Variants in PHC2 observed in about 807,000 individuals in gnomAD.
PHC2 encodes polyhomeotic-like protein 2.
Under a neutral mutation model 87.4 loss-of-function variants are expected in PHC2, and 29 were observed. That is an observed-to-expected ratio of 0.33 (90% CI 0.25 to 0.45). The LOEUF (loss-of-function observed/expected upper bound fraction) is 0.45. PHC2 is among the 20% of genes least tolerant of loss of function. The pLI is 1.00. For synonymous variants in PHC2, 438 were observed against 461.7 expected (o/e 0.95, Z 0.66); for missense variants, 857 against 1,136.7 (o/e 0.75, Z 3.54).
Position 33,374,280 on chromosome 1 carries a change from C to T in PHC2, c.174+1086G>A, listed in dbSNP as rs114719715. Among the ~76,000 whole-genome samples, 948 of 152,262 alleles carry T rather than the reference C, an allele frequency of 6.2e-3. 9 individuals are homozygous for T. The highest frequency in any genetic ancestry group is 0.021 in the African/African-American group (891 of 41,560). On this transcript the variant is annotated intron_variant, in intron 2 of 14. Coordinates refer to ENST00000683057, the MANE Select transcript of PHC2 (RefSeq NM_001385109.1). ...CCTTGGGTGATTCCACTCGCCAGAA[C>T]AGGACCCCAGACCCCCTTTTGCCTA...
intron 1 of PHC2, among the ~76,000 whole-genome samples, chr1:33,418,924 C>T (rs1310756517): frequency 1.3e-5 from 2 of 152,180 alleles, no homozygotes; most frequent in Non-Finnish European, 2.9e-5. Context: ...GGAATGCTTG[C>T]CCAGTGTAAA....
At chr1:33,373,192 A>G (rs1647965021) in intron 2 of PHC2, among the ~76,000 whole-genome samples, 1 of 152,048 alleles carries the variant, frequency 6.6e-6, no homozygotes, top group South Asian at 2.1e-4. Context: ...ATCTCGGCTC[A>G]CTGCAACCTC....
rs1025405198 is a variant in PHC2 at position 33,368,426 on chromosome 1, C to T, written c.663+110G>A. The T allele has an allele frequency of 1.1e-5, 7 of 640,030 alleles. No homozygotes were observed. The highest frequency in any genetic ancestry group is 2.9e-5 in the Admixed American group (1 of 34,994). The allele number at this position is 640,030 out of a possible 1,614,324, so 39.6% of individuals were successfully genotyped here. On this transcript the variant is annotated intron_variant, in intron 6 of 14. Coordinates refer to ENST00000683057, the MANE Select transcript of PHC2 (RefSeq NM_001385109.1). This position sits in a 1 kb window ranked among gnomAD's most constrained non-coding sequence, Gnocchi z 6.6. Reference sequence around the variant, plus strand: ...GGGGGCATTGGGGTGTCCTGTCTCCCGCCTGCTTTCCTAGCTGATCCCGGC... The same window carrying T: ...GGGGGCATTGGGGTGTCCTGTCTCCTGCCTGCTTTCCTAGCTGATCCCGGC...
chr1:33,329,110 A>G lies in PHC2; in HGVS notation c.2185T>C (p.Leu729=). The change falls in exon 14 of 15, where the codon TTG becomes CTG. Residue 729 remains leucine (L), a synonymous_variant. Coordinates refer to ENST00000683057, the MANE Select transcript of PHC2 (RefSeq NM_001385109.1). ...GTVPLSVTAA[L]QLTHSQEDSS... Reference sequence around the variant, plus strand: ...TCTTCCTGGCTGTGTGTTAGCTGCAAAGCAGCAGTAACCGAAAGGGGCACA... The same window carrying G: ...TCTTCCTGGCTGTGTGTTAGCTGCAGAGCAGCAGTAACCGAAAGGGGCACA... 1 of 1,614,174 alleles carries G rather than the reference A, an allele frequency of 6.2e-7. No homozygotes were observed. Among genetic ancestry groups the G allele is most frequent in the East Asian group, 2.2e-5 (1 of 44,882 alleles).
At chr1:33,333,409 G>A (rs1646549100) in intron 10 of PHC2, 1 of 152,396 alleles carries the variant, frequency 6.6e-6, no homozygotes, top group Non-Finnish European at 1.5e-5. Flanking sequence ...GTGTGCCGCT[G>A]GCTCTGGGCT....
Position 33,380,863 on chromosome 1 carries a change from C to A in PHC2, c.-54-5270G>T, listed in dbSNP as rs565851439. ...GATCTGACCCATTTTGCCTTCCTGG[C>A]CTCATTTTCCACACTTGCACTCTCT... On this transcript the variant is annotated intron_variant, in intron 1 of 14. Transcript: ENST00000683057. 6.6e-5 allele frequency among the ~76,000 whole-genome samples: 10 copies of A among 152,282 alleles called. 1 individual carries two copies. The South Asian group carries it at 1.9e-3, about 28-fold the overall frequency.
Position 33,355,235 on chromosome 1 carries a change from G to A in PHC2, c.995C>T (p.Pro332Leu). 4 of 1,581,464 alleles carry A rather than the reference G, an allele frequency of 2.5e-6. No individual in the cohort carries two copies. Among genetic ancestry groups the A allele is most frequent in the Non-Finnish European group, 3.4e-6 (4 of 1,161,956 alleles). The stretch of plus-strand genomic sequence containing the variant: ...GGATGGCTGTGGGAGGAGCTGGTGT[G>A]GCTGCAGCTGAGCATAGGCTGAAAG... ...LIAPAYAQLQ[P>L]HQLLPQPSSK... The change falls in exon 8 of 15, where the codon CCA becomes CTA. Residue 332 changes from proline to leucine, a missense_variant. Around this residue, in one of 3 missense-constraint regions of PHC2, gnomAD observed 832 missense variants for 1,081.8 expected, o/e 0.77. Coordinates refer to ENST00000683057, the MANE Select transcript of PHC2 (RefSeq NM_001385109.1).
intron 9 of PHC2, chr1:33,345,629 G>T: frequency 1.0e-6 from 1 of 982,744 alleles, no homozygotes; most frequent in Non-Finnish European, 1.2e-6. Flanking sequence ...TCAAAAACTA[G>T]TAATTCTAAA....
At chr1:33,408,254 T>C (rs1276168010) in intron 1 of PHC2, among the ~76,000 whole-genome samples, 2 of 152,294 alleles carry the variant, frequency 1.3e-5, no homozygotes, top group South Asian at 4.2e-4. Flanking sequence ...CACGTCAGAA[T>C]CTGTTCACAA....
chr1:33,327,999 A>G (rs935982250), intron 14 of PHC2, among the ~76,000 whole-genome samples: 1 of 152,272 alleles, frequency 6.6e-6, no homozygotes, highest in African/African-American at 2.4e-5. Context: ...TGACAGAGCC[A>G]GAATTTGAAC....
intron 14 of PHC2, 140 bp downstream of exon 14, chr1:33,328,730 C>T (rs1273413590): frequency 2.9e-6 from 2 of 696,698 alleles, no homozygotes; most frequent in Middle Eastern, 5.9e-4. Context: ...AGGCAGGGAG[C>T]TCATCTCACT....
intron 3 of PHC2, 120 bp downstream of exon 3, chr1:33,372,168 CT>C (rs1164956902): frequency 1.9e-5 from 19 of 987,226 alleles, no homozygotes; most frequent in Non-Finnish European, 2.5e-5. Flanking sequence ...GTCACAAGGA[CT>C]TCTTTAGGTT....
At chr1:33,427,040 C>T (rs1650701848) in intron 1 of PHC2, among the ~76,000 whole-genome samples, 1 of 152,220 alleles carries the variant, frequency 6.6e-6, no homozygotes, top group Non-Finnish European at 1.5e-5. Context: ...ACTTCAGAGA[C>T]AGTATAGCAT....
intron 6 of PHC2, 141 bp from the exon 7 acceptor site, chr1:33,367,569 G>C (rs752335731): frequency 5.8e-6 from 4 of 693,732 alleles, no homozygotes; most frequent in Non-Finnish European, 9.4e-6. Context: ...AATGTGTTAG[G>C]GGCTAGAAGA....
In PHC2 at chr1:33,332,637, A is replaced by G; in HGVS notation, c.1762-233T>C. ...CAGGGATGGCTTCTGTCCAGGACCA[A>G]CGGATGGCTCAGGAGATTAGGAAAA... On this transcript the variant is annotated intron_variant, in intron 10 of 14. Transcript: ENST00000683057. This position sits in a 1 kb window ranked among gnomAD's most constrained non-coding sequence, Gnocchi z 4.2. 1 of 526,508 alleles carries G rather than the reference A, an allele frequency of 1.9e-6. No homozygotes were observed. Among genetic ancestry groups the G allele is most frequent in the Non-Finnish European group, 3.4e-6 (1 of 290,794 alleles). The allele number at this position is 526,508 out of a possible 1,614,324, so 32.6% of individuals were successfully genotyped here.
At position 33,413,020 on chromosome 1, in the gene PHC2, G is replaced by A. The variant is rs192174194; in HGVS notation, c.-55+17956C>T. Among the ~76,000 whole-genome samples the A allele has an allele frequency of 6.6e-5, 10 of 152,264 alleles. No homozygotes were observed. The East Asian group carries it at 1.7e-3, about 26-fold the overall frequency. ...TCGCTCTTGTCACCCAGGCTGGAGTGCAGTGGCACAATCTCAGCTCACTGC... is the reference window on the plus strand; with the variant it reads ...TCGCTCTTGTCACCCAGGCTGGAGTACAGTGGCACAATCTCAGCTCACTGC... On this transcript the variant is annotated intron_variant, in intron 1 of 14. Coordinates refer to ENST00000683057, the MANE Select transcript of PHC2 (RefSeq NM_001385109.1).
intron 7 of PHC2, among the ~76,000 whole-genome samples, chr1:33,365,179 C>T (rs1168831447): frequency 1.3e-5 from 2 of 152,146 alleles, no homozygotes; most frequent in African/African-American, 4.8e-5. Context: ...TCAGTTTGCT[C>T]ATCTGTAAAA....
intron 9 of PHC2, among the ~76,000 whole-genome samples, chr1:33,352,065 G>A (rs945655330): frequency 2.0e-5 from 3 of 152,040 alleles, no homozygotes; most frequent in Non-Finnish European, 4.4e-5. Flanking sequence ...GACCTCAAGA[G>A]GAGGATGCTT....
intron 7 of PHC2, among the ~76,000 whole-genome samples, chr1:33,355,500 A>G (rs1255762457): frequency 3.3e-5 from 5 of 152,102 alleles, no homozygotes; most frequent in African/African-American, 4.8e-5. Context: ...CCCATCCCCA[A>G]AGCTCAACTC....
Sources: gnomAD v4.1 joint callset for allele counts (sites outside exome capture counted in the v4.1 genomes callset) on GRCh38, gnomAD v4.1.1 for gene constraint, gnomAD v4.1.1 regional missense constraint, Gnocchi (gnomAD v3.1) non-coding constraint, MANE v1.5 for transcripts, NCBI Gene and HGNC (gene_info 2026-07-23, HGNC 2026-07-21) for gene names.